The following LRRTM4 variants were observed in gnomAD, a reference collection of about 807,000 sequenced individuals.
The protein encoded by LRRTM4 is leucine rich repeat transmembrane neuronal 4.
Under a neutral mutation model 47.6 loss-of-function variants are expected in LRRTM4, and 25 were observed. That is an observed-to-expected ratio of 0.53 (90% CI 0.38 to 0.73). LRRTM4 has a LOEUF of 0.73. LRRTM4 is among the 30% of genes least tolerant of loss of function. LRRTM4 has a pLI of 0.00. For missense variants in LRRTM4, 638 were observed against 713.4 expected, an observed-to-expected ratio of 0.89 and a Z score of 1.20; for synonymous variants, 311 against 269.5, an observed-to-expected ratio of 1.15 and a Z score of -1.51.
Position 76,874,993 on chromosome 2 carries a change from T to C in LRRTM4, c.1552-126077A>G, listed in dbSNP as rs77481739. 6.2e-3 allele frequency among the ~76,000 whole-genome samples: 944 copies of C among 152,230 alleles called. 12 individuals carry two copies. Among genetic ancestry groups the C allele is most frequent in the African/African-American group, 0.022 (901 of 41,572 alleles). On this transcript the variant is annotated intron_variant, in intron 3 of 3. Transcript: ENST00000409884. ...ATTTGCATTTCTGGTCTCCAGCTTA[T>C]ATGCCTGCCAATATCTCTGATCTGT...
chr2:76,849,853 T>C (rs1017542963), intron 3 of LRRTM4, among the ~76,000 whole-genome samples: 23 of 152,160 alleles, frequency 1.5e-4, no homozygotes, highest in African/African-American at 4.6e-4. Flanking sequence ...TAAGTGCTAA[T>C]GATACATTCC....
chr2:77,008,283 A>G (rs1677734748), intron 3 of LRRTM4, among the ~76,000 whole-genome samples: 1 of 152,180 alleles, frequency 6.6e-6, no homozygotes, highest in Admixed American at 6.6e-5. Context: ...ATCTTAAGTG[A>G]AAGCTGATAT....
rs116437177 is a variant in LRRTM4 at position 77,462,225 on chromosome 2, G to C, written c.1551+56093C>G. Among the ~76,000 whole-genome samples, 671 of 152,120 alleles carry C rather than the reference G, an allele frequency of 4.4e-3. 3 individuals carry two copies. The highest frequency in any genetic ancestry group is 7.8e-3 in the Non-Finnish European group (532 of 67,966). Reference sequence around the variant, plus strand: ...TTGAGAAAGCCATGATGTGAGCTCTGAAGTATTCACGATTTCATTTCCAGT... The same window carrying C: ...TTGAGAAAGCCATGATGTGAGCTCTCAAGTATTCACGATTTCATTTCCAGT... On this transcript the variant is annotated intron_variant, in intron 3 of 3. Transcript: ENST00000409884.
chr2:76,748,726 G>C lies in LRRTM4; in HGVS notation c.1742C>G (p.Pro581Arg). 1 of 1,612,680 alleles carries C rather than the reference G, an allele frequency of 6.2e-7. No individual in the cohort carries two copies. Among genetic ancestry groups the C allele is most frequent in the Non-Finnish European group, 8.5e-7 (1 of 1,179,284 alleles). ...FIATIARSAA[P>R]AIYLERIAN is the part of the protein sequence containing the mutation. The stretch of plus-strand genomic sequence containing the variant: ...TGCAATTCTCTCTAGGTAGATGGCC[G>C]GTGCTGCCGACCTGGCGATGGTGGC... The change falls in exon 4 of 4, where the codon CCG becomes CGG. Residue 581 changes from proline (P) to arginine (R), a missense_variant. Pro to Arg is a moderately radical substitution (Grantham distance 103). Transcript: ENST00000409884.
intron 3 of LRRTM4, among the ~76,000 whole-genome samples, chr2:77,067,861 A>G (rs1680012901): frequency 1.3e-5 from 2 of 152,052 alleles, no homozygotes; most frequent in Admixed American, 6.6e-5. Context: ...AATATATAAT[A>G]CATACAATTG....
chr2:76,970,630 CA>C, intron 3 of LRRTM4, among the ~76,000 whole-genome samples: 1 of 152,120 alleles, frequency 6.6e-6, no homozygotes, highest in Non-Finnish European at 1.5e-5. Flanking sequence ...CGATTTCTCA[CA>C]AAAGGAAAAT....
In LRRTM4 at chr2:77,519,406, C is replaced by T; in HGVS notation, c.463G>A (p.Gly155Ser). The change falls in exon 3 of 4, where the codon GGC becomes AGC. Residue 155 changes from glycine to serine, a missense_variant. Transcript: ENST00000409884. The surrounding 1 kb of genome is among the most constrained non-coding windows in gnomAD (Gnocchi z 4.6). Reference sequence around the variant, plus strand: ...TGCAAAATGATGAGTTTCCGAAGGCCTTTAAATTGTTCAGATTGCAATGTC... The same window carrying T: ...TGCAAAATGATGAGTTTCCGAAGGCTTTTAAATTGTTCAGATTGCAATGTC... ...LQTLQSEQFKGLRKLIILHLR... is the reference protein window; with the variant it reads ...LQTLQSEQFKSLRKLIILHLR... 6.2e-7 allele frequency: 1 copy of T among 1,613,384 alleles called. No individual in the cohort carries two copies. Among genetic ancestry groups the T allele is most frequent in the South Asian group, 1.1e-5 (1 of 91,070 alleles).
At chr2:77,471,699 G>A (rs1233596684) in intron 3 of LRRTM4, among the ~76,000 whole-genome samples, 1 of 152,088 alleles carries the variant, frequency 6.6e-6, no homozygotes, top group African/African-American at 2.4e-5. Flanking sequence ...CTTTTTGGAG[G>A]TCTCTGTTCA....
intron 3 of LRRTM4, among the ~76,000 whole-genome samples, chr2:77,492,478 T>A (rs1446793492): frequency 6.6e-6 from 1 of 152,108 alleles, no homozygotes; most frequent in African/African-American, 2.4e-5. Context: ...AGGCTGGACT[T>A]GAACTCCTGG....
At chr2:77,245,792 G>A (rs1675429414) in intron 3 of LRRTM4, among the ~76,000 whole-genome samples, 1 of 152,116 alleles carries the variant, frequency 6.6e-6, no homozygotes, top group South Asian at 2.1e-4. Flanking sequence ...AGAATGAAAA[G>A]GACTGAAACA....
chr2:77,341,051 T>C, intron 3 of LRRTM4, among the ~76,000 whole-genome samples: 1 of 151,910 alleles, frequency 6.6e-6, no homozygotes, highest in East Asian at 1.9e-4. Context: ...ATAGTGGATG[T>C]CTCCTATTAT....
intron 3 of LRRTM4, among the ~76,000 whole-genome samples, chr2:77,242,640 C>T (rs1389880802): frequency 6.6e-6 from 1 of 151,732 alleles, no homozygotes; most frequent in Non-Finnish European, 1.5e-5. Flanking sequence ...ATGATGGATA[C>T]TATCAAAAAA....
chr2:76,895,899 G>C (rs1673402065), intron 3 of LRRTM4, among the ~76,000 whole-genome samples: 1 of 151,816 alleles, frequency 6.6e-6, no homozygotes, highest in Non-Finnish European at 1.5e-5. Context: ...AATAACATAT[G>C]GGCTTCCACT....
intron 3 of LRRTM4, among the ~76,000 whole-genome samples, chr2:76,813,159 T>C (rs2103829211): frequency 6.6e-6 from 1 of 152,092 alleles, no homozygotes; most frequent in African/African-American, 2.4e-5. Context: ...AGCGAAACTC[T>C]GTCTCAAAAA....
chr2:76,763,190 G>A (rs1475308111), intron 3 of LRRTM4, among the ~76,000 whole-genome samples: 1 of 152,138 alleles, frequency 6.6e-6, no homozygotes, highest in Non-Finnish European at 1.5e-5. Context: ...AAAAAACAGT[G>A]CTCTCATACC....
intron 3 of LRRTM4, among the ~76,000 whole-genome samples, chr2:77,218,785 C>A (rs901308683): frequency 6.6e-6 from 1 of 152,066 alleles, no homozygotes; most frequent in Non-Finnish European, 1.5e-5. Flanking sequence ...AATTTTGCAG[C>A]TCCATTTGTG....
At chr2:77,352,404 T>G (rs2104298725) in intron 3 of LRRTM4, among the ~76,000 whole-genome samples, 1 of 152,254 alleles carries the variant, frequency 6.6e-6, no homozygotes, top group South Asian at 2.1e-4. Flanking sequence ...GACAGATTAT[T>G]CTGGCCATTA....
At chr2:77,489,586 C>T (rs1382777546) in intron 3 of LRRTM4, among the ~76,000 whole-genome samples, 1 of 152,006 alleles carries the variant, frequency 6.6e-6, no homozygotes, top group Non-Finnish European at 1.5e-5. Flanking sequence ...AAATGTGGAC[C>T]ACAGTGCTTA....
intron 3 of LRRTM4, among the ~76,000 whole-genome samples, chr2:76,977,156 T>A (rs1305875570): frequency 1.3e-5 from 2 of 151,294 alleles, no homozygotes; most frequent in Non-Finnish European, 3.0e-5. Context: ...TATTAATAAA[T>A]CCTAAATAAA....
Sources: allele counts gnomAD v4.1 joint callset (sites outside exome capture counted in the v4.1 genomes callset), GRCh38; gene constraint gnomAD v4.1.1; non-coding constraint Gnocchi (gnomAD v3.1); transcripts MANE v1.5; gene names NCBI Gene and HGNC (gene_info 2026-07-23, HGNC 2026-07-21).